The following ADAMTS12 variants were observed in gnomAD, a reference collection of about 807,000 sequenced individuals.
The protein encoded by ADAMTS12 is A disintegrin and metalloproteinase with thrombospondin motifs 12.
ADAMTS12 carries 118 observed loss-of-function variants against 167.8 expected under a neutral mutation model. The ratio of observed to expected loss-of-function variants is 0.70; its 90% CI spans 0.61 to 0.82. The LOEUF is 0.82. ADAMTS12 is among the 40% of genes least tolerant of loss of function. The pLI is 0.00. For synonymous variants in ADAMTS12, 704 were observed against 716.9 expected (o/e 0.98, Z 0.29); for missense variants, 1,916 against 1,998.8 (o/e 0.96, Z 0.79).
At chr5:33,888,607 C>T (rs902040749) in intron 1 of ADAMTS12, among the ~76,000 whole-genome samples, 1 of 152,156 alleles carries the variant, frequency 6.6e-6, no homozygotes, top group Non-Finnish European at 1.5e-5. Context: ...GTTTCTTGCA[C>T]AAGCCTGGAG....
intron 2 of ADAMTS12, among the ~76,000 whole-genome samples, chr5:33,835,478 C>G (rs1748470401): frequency 6.6e-6 from 1 of 152,184 alleles, no homozygotes; most frequent in Non-Finnish European, 1.5e-5. Context: ...ATTTATTTCT[C>G]ACAGTTCTGG....
intron 16 of ADAMTS12, among the ~76,000 whole-genome samples, chr5:33,599,225 A>G (rs1738061750): frequency 6.6e-6 from 1 of 152,202 alleles, no homozygotes. Flanking sequence ...TGGATGTTTT[A>G]CTACACTAAT....
chr5:33,726,429 G>A (rs1308407411), intron 3 of ADAMTS12, among the ~76,000 whole-genome samples: 1 of 152,142 alleles, frequency 6.6e-6, no homozygotes, highest in East Asian at 1.9e-4. Flanking sequence ...AAAAGCTTTA[G>A]ACAAATTAAA....
chr5:33,792,415 A>C (rs367569404), intron 2 of ADAMTS12, among the ~76,000 whole-genome samples: 2 of 152,350 alleles, frequency 1.3e-5, no homozygotes, highest in African/African-American at 4.8e-5. Flanking sequence ...TCCAGTGCCC[A>C]TTTGAGAAAA....
At chr5:33,839,759 C>A (rs1388128721) in intron 2 of ADAMTS12, among the ~76,000 whole-genome samples, 4 of 152,194 alleles carry the variant, frequency 2.6e-5, no homozygotes, top group Admixed American at 2.0e-4. Context: ...GTATCGCGTT[C>A]TTCACTGAAA....
intron 14 of ADAMTS12, among the ~76,000 whole-genome samples, chr5:33,617,554 T>C (rs1222050431): frequency 6.6e-6 from 1 of 152,202 alleles, no homozygotes; most frequent in East Asian, 1.9e-4. Flanking sequence ...AACACTTGCC[T>C]AGAACAGCTG....
chr5:33,626,283 T>G (rs1354257420), intron 13 of ADAMTS12, among the ~76,000 whole-genome samples: 1 of 149,002 alleles, frequency 6.7e-6, no homozygotes, highest in Non-Finnish European at 1.5e-5. Flanking sequence ...GGGGTGGTGG[T>G]GGTGACAGTG....
At chr5:33,717,948 T>C (rs1485355494) in intron 3 of ADAMTS12, among the ~76,000 whole-genome samples, 6 of 152,230 alleles carry the variant, frequency 3.9e-5, no homozygotes, top group East Asian at 1.9e-4. Flanking sequence ...CCCATACTTA[T>C]CTCCACAACA....
At chr5:33,632,392 T>A (rs1170073407) in intron 12 of ADAMTS12, among the ~76,000 whole-genome samples, 2 of 31,798 alleles carry the variant, frequency 6.3e-5, no homozygotes, top group East Asian at 1.8e-3. Flanking sequence ...GCTCCCTGAA[T>A]CCAAAAACAA....
intron 2 of ADAMTS12, among the ~76,000 whole-genome samples, chr5:33,818,793 T>C (rs1747761581): frequency 2.0e-5 from 3 of 152,216 alleles, no homozygotes; most frequent in Non-Finnish European, 4.4e-5. Context: ...CAGTGTGAGG[T>C]GATATCTCAT....
chr5:33,582,455 C>T (rs942265943), intron 18 of ADAMTS12, among the ~76,000 whole-genome samples: 1 of 152,182 alleles, frequency 6.6e-6, no homozygotes, highest in African/African-American at 2.4e-5. Flanking sequence ...CCTCGGGTGG[C>T]AGGGACTTCA....
chr5:33,719,836 G>T (rs1211477704), intron 3 of ADAMTS12, among the ~76,000 whole-genome samples: 2 of 152,140 alleles, frequency 1.3e-5, no homozygotes, highest in African/African-American at 4.8e-5. Context: ...CTTTTTAAAG[G>T]CCTTTCTGCC....
intron 16 of ADAMTS12, among the ~76,000 whole-genome samples, chr5:33,596,455 G>A (rs553737640): frequency 1.2e-4 from 19 of 152,290 alleles, no homozygotes; most frequent in African/African-American, 4.1e-4. Context: ...GCAGAGGCAG[G>A]TGGATCACTT....
At chr5:33,603,235 G>A (rs1738275079) in intron 16 of ADAMTS12, among the ~76,000 whole-genome samples, 2 of 152,164 alleles carry the variant, frequency 1.3e-5, no homozygotes, top group Non-Finnish European at 2.9e-5. Context: ...AGGCTGCAAT[G>A]AGGCAAAAAG....
chr5:33,842,144 T>G (rs563656918), intron 2 of ADAMTS12, among the ~76,000 whole-genome samples: 5 of 152,332 alleles, frequency 3.3e-5, no homozygotes, highest in South Asian at 2.1e-4. Flanking sequence ...ATTATGACTT[T>G]ACTTTGTTAA....
At chr5:33,606,761 G>A (rs1248165510) in intron 16 of ADAMTS12, among the ~76,000 whole-genome samples, 1 of 152,144 alleles carries the variant, frequency 6.6e-6, no homozygotes, top group Non-Finnish European at 1.5e-5. Context: ...TCATTTATGA[G>A]CCTTCTATAA....
chr5:33,608,580 G>A (rs1191355553), intron 16 of ADAMTS12, among the ~76,000 whole-genome samples: 1 of 152,188 alleles, frequency 6.6e-6, no homozygotes, highest in Non-Finnish European at 1.5e-5. Context: ...GCATCACACA[G>A]CTGCCCCAGA....
chr5:33,723,715 C>A (rs1404340245), intron 3 of ADAMTS12, among the ~76,000 whole-genome samples: 3 of 152,130 alleles, frequency 2.0e-5, no homozygotes, highest in East Asian at 1.9e-4. Flanking sequence ...ACTTGGTACT[C>A]CCCAAATGTT....
At chr5:33,573,233 G>A (rs1417102363) in intron 19 of ADAMTS12, among the ~76,000 whole-genome samples, 1 of 151,870 alleles carries the variant, frequency 6.6e-6, no homozygotes, top group Non-Finnish European at 1.5e-5. Flanking sequence ...TTTCTTCACA[G>A]AATTGGAAAA....
Sources: allele counts gnomAD v4.1 joint callset (sites outside exome capture counted in the v4.1 genomes callset), GRCh38; gene constraint gnomAD v4.1.1; transcripts MANE v1.5; gene names NCBI Gene and HGNC (gene_info 2026-07-23, HGNC 2026-07-21).